The following HERC3 variants were observed in gnomAD, a reference collection of about 807,000 sequenced individuals.
HERC3 encodes HECT and RLD domain containing E3 ubiquitin protein ligase 3.
HERC3 carries 58 observed loss-of-function variants against 129.9 expected under a neutral mutation model. The ratio of observed to expected loss-of-function variants is 0.45; its 90% CI spans 0.36 to 0.56. The LOEUF (loss-of-function observed/expected upper bound fraction) is 0.56. Among genes scored for constraint, HERC3 ranks in the 20% least tolerant of loss-of-function variants. The probability of loss-of-function intolerance (pLI) is 0.00; values close to 1 mark genes in which losing one functional copy is unlikely to be tolerated. For missense variants in HERC3, 835 were observed against 1,244.2 expected (o/e 0.67, Z 4.95); for synonymous variants, 430 against 451.0 (o/e 0.95, Z 0.59).
intron 21 of HERC3, 35 bp downstream of exon 21, chr4:88,681,360 G>A: frequency 1.9e-6 from 3 of 1,571,178 alleles, no homozygotes. Flanking sequence ...ATCTGAAACT[G>A]TTGTGGCTGC....
chr4:88,660,496 G>A (rs1382425457), intron 10 of HERC3, among the ~76,000 whole-genome samples: 2 of 152,100 alleles, frequency 1.3e-5, no homozygotes, highest in Non-Finnish European at 2.9e-5. Context: ...GATCCACCAC[G>A]CCCGGCCATA....
chr4:88,563,200 C>G, the HERC3 span, among the ~76,000 whole-genome samples: 1 of 152,114 alleles, frequency 6.6e-6, no homozygotes, highest in Non-Finnish European at 1.5e-5. Flanking sequence ...TAGTTTCCAT[C>G]ACAGAGATCT....
the HERC3 span, among the ~76,000 whole-genome samples, chr4:88,587,183 A>C: frequency 6.6e-6 from 1 of 152,256 alleles, no homozygotes; most frequent in Admixed American, 6.5e-5. Context: ...TAAAGTCTGG[A>C]AACACAGACA....
At chr4:88,537,490 T>C in the HERC3 span, among the ~76,000 whole-genome samples, 1 of 152,254 alleles carries the variant, frequency 6.6e-6, no homozygotes, top group Non-Finnish European at 1.5e-5. Flanking sequence ...GTGTCATTTT[T>C]AGTGCATCCT....
rs1035886584 is a variant in HERC3, at chr4:88,609,417, C to G, written c.226+3368C>G. Among the ~76,000 whole-genome samples the G allele has an allele frequency of 4.6e-5, 7 of 152,272 alleles. No individual in the cohort carries two copies. The East Asian group carries it at 9.6e-4, about 21-fold the overall frequency. ...AGTGTCTGGCAGTTTTATATCATGC[C>G]TCAGAAATTATGCTACCGTGCAGTT... On this transcript the variant is annotated intron_variant, in intron 3 of 25. Coordinates refer to ENST00000402738, the MANE Select transcript of HERC3 (RefSeq NM_014606.3).
intron 3 of HERC3, among the ~76,000 whole-genome samples, chr4:88,637,468 T>C (rs1293695071): frequency 6.6e-6 from 1 of 151,908 alleles, no homozygotes; most frequent in East Asian, 1.9e-4. Context: ...TACCTGGAAA[T>C]TGAACAACCT....
chr4:88,668,427 G>A (rs1393531120), intron 14 of HERC3: 5 of 254,490 alleles, frequency 2.0e-5, no homozygotes, highest in South Asian at 4.9e-5. Flanking sequence ...AATTTAGGGG[G>A]TGGGAGTGAA....
intron 3 of HERC3, among the ~76,000 whole-genome samples, chr4:88,613,469 A>G (rs1378385067): frequency 6.6e-6 from 1 of 152,238 alleles, no homozygotes; most frequent in African/African-American, 2.4e-5. Flanking sequence ...TTTATAAAGC[A>G]GAACGTCCAA....
At chr4:88,680,274 A>G in intron 20 of HERC3, 38 bp downstream of exon 20, 3 of 1,513,218 alleles carry the variant, frequency 2.0e-6, no homozygotes, top group South Asian at 1.3e-5. Flanking sequence ...GATGGATTAA[A>G]TTAAACTTTC....
At chr4:88,605,184 C>T (rs116132857) in intron 2 of HERC3, among the ~76,000 whole-genome samples, 2,136 of 152,196 alleles carry the variant, frequency 0.014, 51 homozygotes, top group African/African-American at 0.047. Flanking sequence ...GCTGACTTGT[C>T]GCTGCAACAA....
chr4:88,562,018 G>A, the HERC3 span, among the ~76,000 whole-genome samples: 49 of 152,228 alleles, frequency 3.2e-4, 1 homozygote, highest in Admixed American at 3.3e-4. Context: ...CCTAGCAGTC[G>A]GATTGCTGGA....
chr4:88,616,780 T>G (rs1314048397), intron 3 of HERC3, among the ~76,000 whole-genome samples: 3 of 152,138 alleles, frequency 2.0e-5, no homozygotes, highest in African/African-American at 7.2e-5. Context: ...TGAGTAAAAT[T>G]TATCATCTCA....
intron 16 of HERC3, among the ~76,000 whole-genome samples, chr4:88,670,982 G>A (rs898972487): frequency 6.6e-6 from 1 of 151,928 alleles, no homozygotes; most frequent in South Asian, 2.1e-4. Flanking sequence ...CCTGGACCCC[G>A]TAGGCCCCTT....
At chr4:88,534,493 T>C in the HERC3 span, among the ~76,000 whole-genome samples, 1 of 152,174 alleles carries the variant, frequency 6.6e-6, no homozygotes, top group East Asian at 1.9e-4. Context: ...TTGTTTTTTT[T>C]TTCCTAGAAA....
chr4:88,546,019 G>A, the HERC3 span, among the ~76,000 whole-genome samples: 1 of 152,058 alleles, frequency 6.6e-6, no homozygotes, highest in East Asian at 1.9e-4. Context: ...GTATAGATTA[G>A]GTATACTACA....
intron 2 of HERC3, chr4:88,598,152 G>T (rs532669030): frequency 3.9e-5 from 6 of 152,118 alleles, no homozygotes; most frequent in Admixed American, 6.6e-5. Context: ...TAGAAGTCCT[G>T]CCTGAGTGTT....
chr4:88,538,060 G>T, the HERC3 span, among the ~76,000 whole-genome samples: 1 of 152,168 alleles, frequency 6.6e-6, no homozygotes, highest in Non-Finnish European at 1.5e-5. Flanking sequence ...CAGCCTCTTT[G>T]TTTGACCCAC....
chr4:88,689,926 A>G (rs1319016499), intron 23 of HERC3: 3 of 855,870 alleles, frequency 3.5e-6, no homozygotes, highest in Non-Finnish European at 4.2e-6. Flanking sequence ...GATCTCATAC[A>G]TCATTCATTA....
intron 18 of HERC3, among the ~76,000 whole-genome samples, chr4:88,677,092 G>A (rs557865765): frequency 2.6e-5 from 4 of 151,858 alleles, no homozygotes; most frequent in African/African-American, 4.8e-5. Context: ...CCGAGATTGC[G>A]CCACTGCACT....
Sources: allele counts gnomAD v4.1 joint callset (sites outside exome capture counted in the v4.1 genomes callset), GRCh38; gene constraint gnomAD v4.1.1; transcripts MANE v1.5; gene names NCBI Gene and HGNC (gene_info 2026-07-23, HGNC 2026-07-21).